Variants in FAF1 observed in about 807,000 individuals in gnomAD.
FAF1 encodes the protein Fas associated factor 1, also known as FAS-associated factor 1.
A neutral mutation model predicts 92.5 loss-of-function variants in FAF1; 25 were observed. That is an observed-to-expected ratio of 0.27 (90% CI 0.20 to 0.38). FAF1 has a LOEUF of 0.38. Ranked by LOEUF, FAF1 falls within the 10% of genes least tolerant of loss-of-function variation. The probability of loss-of-function intolerance (pLI) is 1.00; values close to 1 mark genes in which losing one functional copy is unlikely to be tolerated. For missense variants in FAF1, 636 were observed against 793.3 expected (o/e 0.80, Z 2.38); for synonymous variants, 234 against 273.2 (o/e 0.86, Z 1.42).
intron 1 of FAF1, among the ~76,000 whole-genome samples, chr1:50,937,058 T>C (rs1645090743): frequency 1.3e-5 from 2 of 152,094 alleles, no homozygotes; most frequent in Admixed American, 1.3e-4. Context: ...GACAAAGTTC[T>C]TCATTGAGCT....
intron 8 of FAF1, among the ~76,000 whole-genome samples, chr1:50,633,264 T>C (rs1653868836): frequency 2.0e-5 from 3 of 152,212 alleles, no homozygotes; most frequent in Admixed American, 2.0e-4. Flanking sequence ...AATGTCCAAA[T>C]TAACTTGTTA....
At chr1:50,786,195 T>C (rs1219375621) in intron 4 of FAF1, among the ~76,000 whole-genome samples, 2 of 151,816 alleles carry the variant, frequency 1.3e-5, no homozygotes, top group Non-Finnish European at 1.5e-5. Context: ...CCAAAAGGTA[T>C]AAACAACCTA....
At chr1:50,819,048 T>C (rs1644005456) in intron 2 of FAF1, among the ~76,000 whole-genome samples, 1 of 152,190 alleles carries the variant, frequency 6.6e-6, no homozygotes, top group Admixed American at 6.5e-5. Flanking sequence ...TGGCATCATG[T>C]TGGCATTCAA....
intron 6 of FAF1, among the ~76,000 whole-genome samples, chr1:50,721,373 C>T (rs1658405021): frequency 2.0e-5 from 3 of 151,934 alleles, no homozygotes; most frequent in Admixed American, 2.0e-4. Context: ...CACCACTACG[C>T]CCAGCTAATT....
chr1:50,758,658 A>G (rs1337875783), intron 4 of FAF1, among the ~76,000 whole-genome samples: 1 of 152,102 alleles, frequency 6.6e-6, no homozygotes, highest in Non-Finnish European at 1.5e-5. Context: ...GTTTTCTTTC[A>G]GGCTGCCTGG....
rs981508413 is a variant in FAF1, at chr1:50,921,535, G to A, written c.45+38232C>T. ...CCAGCACTTTGTGAAGTCAACAAGCGCAGATCATTTGAGCCCAGGAGTTCG... is the reference window on the plus strand; with the variant it reads ...CCAGCACTTTGTGAAGTCAACAAGCACAGATCATTTGAGCCCAGGAGTTCG... On this transcript the variant is annotated intron_variant, in intron 1 of 18. Coordinates refer to ENST00000396153, the MANE Select transcript of FAF1 (RefSeq NM_007051.3). Among the ~76,000 whole-genome samples, 17 of 152,160 alleles carry A rather than the reference G, an allele frequency of 1.1e-4. No homozygotes were observed. The East Asian group carries it at 1.2e-3, about 10-fold the overall frequency.
intron 4 of FAF1, among the ~76,000 whole-genome samples, chr1:50,759,583 G>A (rs1163877453): frequency 6.6e-6 from 1 of 151,898 alleles, no homozygotes. Context: ...CCAAGTCTTT[G>A]CTATTGTGAA....
intron 2 of FAF1, among the ~76,000 whole-genome samples, chr1:50,802,518 A>G (rs72690494): frequency 0.013 from 2,040 of 152,340 alleles, 19 homozygotes; most frequent in Middle Eastern, 0.02. Flanking sequence ...GTTTCCTTAT[A>G]TAAAACATCC....
At chr1:50,598,713 G>A (rs569452775) in intron 8 of FAF1, among the ~76,000 whole-genome samples, 2 of 152,310 alleles carry the variant, frequency 1.3e-5, no homozygotes, top group South Asian at 4.1e-4. Flanking sequence ...GCTCACGCCT[G>A]TAATCTCAGC....
intron 1 of FAF1, among the ~76,000 whole-genome samples, chr1:50,864,004 G>A (rs1052477071): frequency 6.6e-6 from 1 of 151,972 alleles, no homozygotes; most frequent in Admixed American, 6.6e-5. Flanking sequence ...GGTGTTTGTA[G>A]TATTCTCTGA....
At chr1:50,822,838 G>C (rs184708837) in intron 2 of FAF1, among the ~76,000 whole-genome samples, 9 of 144,528 alleles carry the variant, frequency 6.2e-5, no homozygotes, top group Non-Finnish European at 1.3e-4. Context: ...GCAATGGCAC[G>C]ATCTCAGCTC....
At chr1:50,886,685 A>G (rs1441579096) in intron 1 of FAF1, among the ~76,000 whole-genome samples, 19 of 152,162 alleles carry the variant, frequency 1.2e-4, no homozygotes, top group Admixed American at 1.2e-3. Context: ...AGCTTCATCC[A>G]TGTCCCTACA....
chr1:50,473,436 T>C (rs1272521293), intron 18 of FAF1, among the ~76,000 whole-genome samples: 2 of 152,080 alleles, frequency 1.3e-5, no homozygotes, highest in South Asian at 2.1e-4. Context: ...AAACTAAGGG[T>C]TGGGAAGGGC....
chr1:50,551,365 T>C (rs1649303733), intron 13 of FAF1, among the ~76,000 whole-genome samples: 1 of 152,154 alleles, frequency 6.6e-6, no homozygotes, highest in Admixed American at 6.5e-5. Flanking sequence ...TGAATACTTT[T>C]TTGGATAAAG....
intron 1 of FAF1, among the ~76,000 whole-genome samples, chr1:50,874,363 TTTTAA>T (rs1287898811): frequency 1.3e-5 from 2 of 152,168 alleles, no homozygotes; most frequent in African/African-American, 4.8e-5. Flanking sequence ...TGCTATATGT[TTTTAA>T]TTTATTGTTT....
chr1:50,578,101 C>T (rs1174966388), intron 12 of FAF1, among the ~76,000 whole-genome samples: 1 of 152,234 alleles, frequency 6.6e-6, no homozygotes, highest in African/African-American at 2.4e-5. Context: ...AATCCCACCA[C>T]TCCAATAAAC....
intron 6 of FAF1, chr1:50,715,125 C>T (rs538960259): frequency 3.5e-6 from 1 of 282,964 alleles, no homozygotes; most frequent in African/African-American, 2.2e-5. Context: ...CAGATATAGA[C>T]TGAAGTTAAT....
At chr1:50,910,342 G>A (rs1644874769) in intron 1 of FAF1, among the ~76,000 whole-genome samples, 1 of 152,224 alleles carries the variant, frequency 6.6e-6, no homozygotes, top group Non-Finnish European at 1.5e-5. Flanking sequence ...GGACCCACTT[G>A]AGGAGGCAGT....
At chr1:50,931,638 C>T (rs1330487014) in intron 1 of FAF1, among the ~76,000 whole-genome samples, 1 of 151,984 alleles carries the variant, frequency 6.6e-6, no homozygotes, top group Non-Finnish European at 1.5e-5. Context: ...GAGGCTGAGG[C>T]GGGTGGATCA....
Sources: allele counts gnomAD v4.1 joint callset (sites outside exome capture counted in the v4.1 genomes callset), GRCh38; gene constraint gnomAD v4.1.1; transcripts MANE v1.5; gene names NCBI Gene and HGNC (gene_info 2026-07-23, HGNC 2026-07-21).